TBC1D9B: variants seen among roughly 807,000 people sequenced by gnomAD.
The protein encoded by TBC1D9B is TBC1 domain family member 9B, also known as TBC1 domain family, member 9B (with GRAM domain).
A neutral mutation model predicts 121.1 loss-of-function variants in TBC1D9B; 87 were observed. The ratio of observed to expected loss-of-function variants is 0.72; its 90% CI spans 0.60 to 0.86. The LOEUF (loss-of-function observed/expected upper bound fraction) is 0.86. Ranked by LOEUF, TBC1D9B falls within the 40% of genes least tolerant of loss-of-function variation. The pLI is 0.00. For missense variants in TBC1D9B, 1,540 were observed against 1,628.6 expected (o/e 0.95, Z 0.94); for synonymous variants, 668 against 670.1 (o/e 1.00, Z 0.05).
chr5:179,887,486 G>A (rs901943759), intron 7 of TBC1D9B, among the ~76,000 whole-genome samples: 5 of 152,222 alleles, frequency 3.3e-5, no homozygotes, highest in Non-Finnish European at 7.3e-5. Context: ...ACAAGTGACC[G>A]ATTCCTTCAA....
At chr5:179,899,801 C>T (rs1185289272) in intron 2 of TBC1D9B, among the ~76,000 whole-genome samples, 1 of 152,126 alleles carries the variant, frequency 6.6e-6, no homozygotes, top group South Asian at 2.1e-4. Flanking sequence ...CCCTGGCCAG[C>T]GAGGCTCCTG....
intron 10 of TBC1D9B, among the ~76,000 whole-genome samples, chr5:179,876,281 G>A (rs1325414292): frequency 6.6e-6 from 1 of 152,202 alleles, no homozygotes; most frequent in Non-Finnish European, 1.5e-5. Flanking sequence ...CCCAACTCTG[G>A]GAAATGTCAA....
Position 179,875,900 on chromosome 5 carries a change from C to T in TBC1D9B, c.1900+20G>A, listed in dbSNP as rs769917704. On this transcript the variant is annotated intron_variant, in intron 11 of 20. Coordinates refer to ENST00000355235, the MANE Select transcript of TBC1D9B (RefSeq NM_015043.4). This position sits in a 1 kb window ranked among gnomAD's most constrained non-coding sequence, Gnocchi z 4.5. Reference sequence around the variant, plus strand: ...CAGGCACCTGGAGACCCAGGCGAGGCAGCACCCGGGGACACTCACCCACCA... The same window carrying T: ...CAGGCACCTGGAGACCCAGGCGAGGTAGCACCCGGGGACACTCACCCACCA... 3.8e-6 allele frequency: 6 copies of T among 1,575,882 alleles called. No homozygotes were observed. The East Asian group carries it at 6.9e-5, about 18-fold the overall frequency.
Position 179,890,352 on chromosome 5 carries a change from G to A in TBC1D9B, c.1044+1027C>T, listed in dbSNP as rs1561644385. On this transcript the variant is annotated intron_variant, in intron 6 of 20. Coordinates refer to ENST00000355235, the MANE Select transcript of TBC1D9B (RefSeq NM_015043.4). This position sits in a 1 kb window ranked among gnomAD's most constrained non-coding sequence, Gnocchi z 5.0. ...CTCTCTACCATCTGAGATGTCAAGG[G>A]CCCGGCAGGAGAAATCCAAACGGAG... 6.6e-6 allele frequency among the ~76,000 whole-genome samples: 1 copy of A among 152,208 alleles called. No individual in the cohort carries two copies. The highest frequency in any genetic ancestry group is 2.4e-5 in the African/African-American group (1 of 41,460).
Position 179,907,303 on chromosome 5 carries a change from T to TA in TBC1D9B, c.118+400dup, listed in dbSNP as rs2113658230. Reference sequence around the variant, plus strand: ...CGTGCGCTGGCGTCACCTGGCCCCTTAGAGGCACCTGGGGAAACTGAGGTG... The same window carrying TA: ...CGTGCGCTGGCGTCACCTGGCCCCTTAAGAGGCACCTGGGGAAACTGAGGTG... On this transcript the variant is annotated intron_variant, in intron 1 of 20. Transcript: ENST00000355235. This position sits in a 1 kb window ranked among gnomAD's most constrained non-coding sequence, Gnocchi z 5.3. Among the ~76,000 whole-genome samples, 1 of 151,986 alleles carries TA rather than the reference T, an allele frequency of 6.6e-6. No homozygotes were observed. Among genetic ancestry groups the TA allele is most frequent in the East Asian group, 1.9e-4 (1 of 5,130 alleles).
At position 179,864,132 on chromosome 5, in the gene TBC1D9B, T is replaced by C. The variant is rs759716709; in HGVS notation, c.3022-4A>G. Reference sequence around the variant, plus strand: ...TGCACAGCTCAATGAACTGCTCCTTTTAGGGAGAAAAACAGAAGAACAGGG... The same window carrying C: ...TGCACAGCTCAATGAACTGCTCCTTCTAGGGAGAAAAACAGAAGAACAGGG... On this transcript the variant is annotated splice_region_variant and splice_polypyrimidine_tract_variant and intron_variant, in intron 20 of 20. Coordinates refer to ENST00000355235, the MANE Select transcript of TBC1D9B (RefSeq NM_015043.4). The C allele has an allele frequency of 1.9e-6, 3 of 1,590,044 alleles. No individual in the cohort carries two copies. The highest frequency in any genetic ancestry group is 2.6e-6 in the Non-Finnish European group (3 of 1,164,762).
At chr5:179,886,887 C>T (rs146906640) in intron 7 of TBC1D9B, among the ~76,000 whole-genome samples, 3 of 152,238 alleles carry the variant, frequency 2.0e-5, no homozygotes, top group Non-Finnish European at 1.5e-5. Context: ...AGTGTCGTGC[C>T]CAGGGACTCT....
intron 15 of TBC1D9B, 39 bp from the exon 16 acceptor site, chr5:179,870,534 G>A (rs1242953745): frequency 1.5e-5 from 23 of 1,574,278 alleles, no homozygotes; most frequent in Non-Finnish European, 2.0e-5. Context: ...CAGCCGCTAA[G>A]CCTGTGGGTC....
rs371232640 is a variant in TBC1D9B at position 179,879,805 on chromosome 5, G to C, written c.1255-16C>G. On this transcript the variant is annotated splice_polypyrimidine_tract_variant and intron_variant, in intron 7 of 20. Transcript: ENST00000355235. ...CTGGGGAAGACTAGAAAATAAAACA[G>C]GGAAGGGGACGCCCTAACAACTGTG... The C allele has an allele frequency of 1.2e-6, 2 of 1,600,468 alleles. No individual in the cohort carries two copies. Among genetic ancestry groups the C allele is most frequent in the Non-Finnish European group, 1.7e-6 (2 of 1,173,796 alleles).
In TBC1D9B at chr5:179,894,457, A is replaced by G; in HGVS notation, c.506T>C (p.Val169Ala). ...CAGGTACAGCCAGCCCTGCCGGGGC[A>G]CGCGGCCCTTCCAGTAGCTGCAGGA... is the stretch of plus-strand genomic sequence containing the variant. ...YYSCSYWKGR[V>A]PRQGWLYLTV... The change falls in exon 4 of 21, where the codon GTG (valine) becomes GCG (alanine). Residue 169 changes from valine (V) to alanine (A), a missense_variant. Physicochemically the swap from Val to Ala is moderately conservative, Grantham distance 64. Transcript: ENST00000355235. 1 of 1,614,148 alleles carries G rather than the reference A, an allele frequency of 6.2e-7. No individual in the cohort carries two copies. Among genetic ancestry groups the G allele is most frequent in the Non-Finnish European group, 8.5e-7 (1 of 1,179,996 alleles).
In TBC1D9B at chr5:179,865,352, C is replaced by T; in HGVS notation, c.2923G>A (p.Gly975Arg). The change falls in exon 20 of 21, where the codon GGG (glycine) becomes AGG (arginine). Residue 975 changes from glycine (G) to arginine (R), a missense_variant. Gly to Arg is a moderately radical substitution (Grantham distance 125). Transcript: ENST00000355235. This position sits in a 1 kb window ranked among gnomAD's most constrained non-coding sequence, Gnocchi z 5.1. Reference sequence around the variant, plus strand: ...TGCCGATAGTCCGGAGAGCTGGTCCCCTTCTCCTCTGCAGGTTAGGAGGAA... The same window carrying T: ...TGCCGATAGTCCGGAGAGCTGGTCCTCTTCTCCTCTGCAGGTTAGGAGGAA... ...SGSEERGEEKGTSSPDYRHYL... is the reference protein window; with the variant it reads ...SGSEERGEEKRTSSPDYRHYL... 1 of 1,614,024 alleles carries T rather than the reference C, an allele frequency of 6.2e-7. No homozygotes were observed. Among genetic ancestry groups the T allele is most frequent in the Non-Finnish European group, 8.5e-7 (1 of 1,180,000 alleles).
chr5:179,867,646 CT>C lies in TBC1D9B; in HGVS notation c.2863+131del, dbSNP rs573849043. The C allele has an allele frequency of 1.6e-3, 2,330 of 1,499,636 alleles. 5 individuals are homozygous for C. The highest frequency in any genetic ancestry group is 2.0e-3 in the Non-Finnish European group (2,178 of 1,092,018). The allele number at this position is 1,499,636 out of a possible 1,614,324, so 92.9% of individuals were successfully genotyped here. A position where few individuals can be genotyped will look rare whatever the true frequency, so the allele number is the denominator to read the frequency against. On this transcript the variant is annotated intron_variant, in intron 18 of 20. Coordinates refer to ENST00000355235, the MANE Select transcript of TBC1D9B (RefSeq NM_015043.4). ...ATGGCAGAGCCCAGCCCGTGGTCCC[CT>C]GGGGAGAACCCCATGCGGCCTGCTC...
chr5:179,873,073 T>C (rs757463309), intron 13 of TBC1D9B, 46 bp downstream of exon 13: 1 of 1,612,586 alleles, frequency 6.2e-7, no homozygotes, highest in Non-Finnish European at 8.5e-7. Context: ...CCAACCCACA[T>C]GCCAGATGGA....
intron 8 of TBC1D9B, 33 bp from the exon 9 acceptor site, chr5:179,879,230 C>G (rs1760459810): frequency 1.3e-6 from 2 of 1,585,708 alleles, no homozygotes; most frequent in African/African-American, 2.7e-5. Flanking sequence ...AGCCTGGGGG[C>G]CGAAGCGCAT....
At chr5:179,880,984 G>T (rs577726275) in intron 7 of TBC1D9B, among the ~76,000 whole-genome samples, 26 of 152,288 alleles carry the variant, frequency 1.7e-4, no homozygotes, top group African/African-American at 6.3e-4. Flanking sequence ...TGCCTTGGAG[G>T]ATCACACATC....
chr5:179,873,397 G>C (rs1366623628), intron 12 of TBC1D9B, 149 bp from the exon 13 acceptor site: 6 of 1,263,770 alleles, frequency 4.7e-6, no homozygotes, highest in African/African-American at 1.5e-5. Flanking sequence ...GAGGGCAGAG[G>C]TGTGCCCTGG....
chr5:179,875,853 G>T lies in TBC1D9B; in HGVS notation c.1900+67C>A. ...AAGCCTGGAGCTTGGCCTGGGAAGG[G>T]CTGCCACCCTCATGGAACCAGCAGG... On this transcript the variant is annotated intron_variant, in intron 11 of 20. Transcript: ENST00000355235. This position sits in a 1 kb window ranked among gnomAD's most constrained non-coding sequence, Gnocchi z 4.5. 4 of 1,341,408 alleles carry T rather than the reference G, an allele frequency of 3.0e-6. No homozygotes were observed. Among genetic ancestry groups the T allele is most frequent in the African/African-American group, 1.5e-5 (1 of 68,108 alleles). The allele number at this position is 1,341,408 out of a possible 1,614,324, so 83.1% of individuals were successfully genotyped here. A position where few individuals can be genotyped will look rare whatever the true frequency, so the allele number is the denominator to read the frequency against.
chr5:179,879,561 G>A (rs1479587549), intron 8 of TBC1D9B, 67 bp downstream of exon 8: 10 of 1,609,982 alleles, frequency 6.2e-6, no homozygotes, highest in Non-Finnish European at 7.6e-6. Context: ...GCCCAGGACT[G>A]GCTCCAGCTT....
rs1761257750 is a variant in TBC1D9B, at chr5:179,904,534, C to A, written c.229+168G>T. On this transcript the variant is annotated intron_variant, in intron 2 of 20. Transcript: ENST00000355235. This position sits in a 1 kb window ranked among gnomAD's most constrained non-coding sequence, Gnocchi z 4.2. ...GCCACCGCACCGGGCCACGGAGCTG[C>A]CTTTCTAAGATGGAAGCGAAGGCTC... Among the ~76,000 whole-genome samples, 1 of 152,166 alleles carries A rather than the reference C, an allele frequency of 6.6e-6. No homozygotes were observed. The highest frequency in any genetic ancestry group is 1.5e-5 in the Non-Finnish European group (1 of 68,014).
Sources: allele counts gnomAD v4.1 joint callset (sites outside exome capture counted in the v4.1 genomes callset), GRCh38; gene constraint gnomAD v4.1.1; non-coding constraint Gnocchi (gnomAD v3.1); transcripts MANE v1.5; gene names NCBI Gene and HGNC (gene_info 2026-07-23, HGNC 2026-07-21).